The following DLGAP2 variants were observed in gnomAD, a reference collection of about 807,000 sequenced individuals.
The protein encoded by DLGAP2 is DLG associated protein 2.
DLGAP2 carries 26 observed loss-of-function variants against 100.3 expected under a neutral mutation model. That is an observed-to-expected ratio of 0.26 (90% CI 0.19 to 0.36). The LOEUF is 0.36. Ranked by LOEUF, DLGAP2 falls within the 10% of genes least tolerant of loss-of-function variation. The pLI, the probability that DLGAP2 is intolerant of heterozygous loss-of-function variation, is 1.00. For missense variants in DLGAP2, 1,858 were observed against 1,453.2 expected (o/e 1.28, Z -4.53); for synonymous variants, 886 against 630.1 (o/e 1.41, Z -6.08).
At chr8:987,331 G>T (rs1046991330) in intron 2 of DLGAP2, among the ~76,000 whole-genome samples, 1 of 152,156 alleles carries the variant, frequency 6.6e-6, no homozygotes, top group Non-Finnish European at 1.5e-5. Flanking sequence ...GGATTCTGCA[G>T]GTCTCAGTGG....
chr8:1,188,112 G>C (rs1390957767), intron 2 of DLGAP2, among the ~76,000 whole-genome samples: 2 of 134,088 alleles, frequency 1.5e-5, no homozygotes, highest in African/African-American at 3.0e-5. Flanking sequence ...CGGGACCTCC[G>C]TGACATTTGC....
intron 2 of DLGAP2, among the ~76,000 whole-genome samples, chr8:1,241,564 C>A (rs1455557291): frequency 6.6e-6 from 1 of 152,236 alleles, no homozygotes; most frequent in African/African-American, 2.4e-5. Context: ...GGCCTTTGAT[C>A]CAGTTCTCTC....
At chr8:966,549 A>G (rs1243587004) in intron 2 of DLGAP2, among the ~76,000 whole-genome samples, 1 of 152,164 alleles carries the variant, frequency 6.6e-6, no homozygotes. Flanking sequence ...TAATTTTCAA[A>G]CTTTTTAAAA....
intron 6 of DLGAP2, among the ~76,000 whole-genome samples, chr8:1,598,224 G>C (rs573023465): frequency 3.3e-5 from 5 of 152,134 alleles, no homozygotes; most frequent in Admixed American, 2.0e-4. Flanking sequence ...CGACTTGATC[G>C]TGGTGGATAA....
At chr8:1,475,485 C>G (rs913810589) in intron 3 of DLGAP2, among the ~76,000 whole-genome samples, 2 of 152,130 alleles carry the variant, frequency 1.3e-5, no homozygotes, top group Non-Finnish European at 2.9e-5. Flanking sequence ...CACTCCGCAC[C>G]CCAGCGTTTT....
At chr8:1,249,886 T>C (rs1162057889) in intron 2 of DLGAP2, among the ~76,000 whole-genome samples, 1 of 152,156 alleles carries the variant, frequency 6.6e-6, no homozygotes, top group Non-Finnish European at 1.5e-5. Context: ...ATTAACTTTA[T>C]TTTCTTTTTT....
chr8:890,597 C>T (rs1453187217), intron 1 of DLGAP2, among the ~76,000 whole-genome samples: 1 of 151,960 alleles, frequency 6.6e-6, no homozygotes, highest in Non-Finnish European at 1.5e-5. Flanking sequence ...CTGCGTAATT[C>T]CTCCTTGCGC....
chr8:1,161,403 G>T (rs1032422059), intron 2 of DLGAP2, among the ~76,000 whole-genome samples: 29 of 152,290 alleles, frequency 1.9e-4, no homozygotes, highest in African/African-American at 7.0e-4. Context: ...CTGATCAAAG[G>T]TTCTCTCTGG....
At chr8:746,465 G>C (rs908284082) in intron 1 of DLGAP2, among the ~76,000 whole-genome samples, 11 of 152,220 alleles carry the variant, frequency 7.2e-5, no homozygotes, top group African/African-American at 2.7e-4. Context: ...CGGCAGGGGG[G>C]CTCCAGAGCT....
intron 2 of DLGAP2, among the ~76,000 whole-genome samples, chr8:972,442 A>G (rs1800035940): frequency 6.6e-6 from 1 of 152,370 alleles, no homozygotes; most frequent in South Asian, 2.1e-4. Context: ...GGAAACTCTA[A>G]GAAAATCAAA....
chr8:943,620 G>GTAGTAAATTTTGATCTAACGCA (rs1799246839), intron 2 of DLGAP2, among the ~76,000 whole-genome samples: 1 of 151,852 alleles, frequency 6.6e-6, no homozygotes, highest in East Asian at 2.0e-4. Context: ...GGAGGAGCTG[G>GTAGTAAATTTTGATCTAACGCA]CATGTGGACG....
At chr8:781,195 C>G (rs575185711) in intron 1 of DLGAP2, among the ~76,000 whole-genome samples, 5 of 152,134 alleles carry the variant, frequency 3.3e-5, no homozygotes, top group African/African-American at 1.2e-4. Flanking sequence ...TTAGTAAGGA[C>G]TATATTGCTC....
At chr8:1,031,458 C>G (rs558198381) in intron 2 of DLGAP2, among the ~76,000 whole-genome samples, 5 of 151,978 alleles carry the variant, frequency 3.3e-5, no homozygotes, top group African/African-American at 9.7e-5. Context: ...GTCACCCAAG[C>G]TGTGGTGCAG....
At chr8:873,653 G>T (rs1337628627) in intron 1 of DLGAP2, among the ~76,000 whole-genome samples, 2 of 151,582 alleles carry the variant, frequency 1.3e-5, no homozygotes, top group African/African-American at 2.4e-5. Context: ...TGATGTATTT[G>T]CCTGGCTTTG....
chr8:1,115,543 A>C (rs1415179590), intron 2 of DLGAP2, among the ~76,000 whole-genome samples: 1 of 152,228 alleles, frequency 6.6e-6, no homozygotes, highest in African/African-American at 2.4e-5. Context: ...AAAGTGCCTA[A>C]GACAGTGCCT....
At chr8:891,134 C>CG (rs1480197346) in intron 1 of DLGAP2, 1 of 152,366 alleles carries the variant, frequency 6.6e-6, no homozygotes, top group Non-Finnish European at 1.5e-5. Flanking sequence ...AAGGCACCCC[C>CG]CCCCCAGTTG....
In DLGAP2 at chr8:761,753, A is replaced by G. The variant is rs78664423; in HGVS notation, c.18+23928A>G. Among the ~76,000 whole-genome samples, 653 of 152,294 alleles carry G rather than the reference A, an allele frequency of 4.3e-3. 5 individuals are homozygous for G. The highest frequency in any genetic ancestry group is 0.015 in the African/African-American group (613 of 41,564). On this transcript the variant is annotated intron_variant, in intron 1 of 14. Transcript: ENST00000637795. ...GGAGCCAGCTCCCTCTATCCCTGAA[A>G]TGAGTGCCTGAGGAAGAGCCTGAGG... is the stretch of plus-strand genomic sequence containing the variant.
intron 2 of DLGAP2, among the ~76,000 whole-genome samples, chr8:933,166 T>G (rs1798996987): frequency 6.6e-6 from 1 of 152,210 alleles, no homozygotes; most frequent in Non-Finnish European, 1.5e-5. Context: ...GGCTTATGGG[T>G]GGTCGGGTTG....
At chr8:1,366,393 G>A (rs116018261) in intron 3 of DLGAP2, among the ~76,000 whole-genome samples, 2,093 of 152,280 alleles carry the variant, frequency 0.014, 46 homozygotes, top group African/African-American at 0.047. Context: ...ATTCTGCAAG[G>A]GCATGTTGTG....
Sources: gnomAD v4.1 joint callset for allele counts (sites outside exome capture counted in the v4.1 genomes callset) on GRCh38, gnomAD v4.1.1 for gene constraint, MANE v1.5 for transcripts, NCBI Gene and HGNC (gene_info 2026-07-23, HGNC 2026-07-21) for gene names.